SPATA6: variants seen among roughly 807,000 people sequenced by gnomAD.
SPATA6 encodes the protein spermatogenesis-associated protein 6.
A neutral mutation model predicts 65.3 loss-of-function variants in SPATA6; 56 were observed. The observed-to-expected ratio is 0.86, with a 90% CI of 0.69 to 1.07. SPATA6 has a LOEUF of 1.07. Among genes scored for constraint, SPATA6 ranks in the 50% least tolerant of loss-of-function variants. The pLI is 0.00. For synonymous variants in SPATA6, 199 were observed against 213.2 expected, an observed-to-expected ratio of 0.93 and a Z score of 0.58; for missense variants, 590 against 594.8, an observed-to-expected ratio of 0.99 and a Z score of 0.08.
Position 48,353,691 on chromosome 1 carries a change from G to A in SPATA6, c.1194+1979C>T, listed in dbSNP as rs140637916. On this transcript the variant is annotated intron_variant, in intron 11 of 12. Coordinates refer to ENST00000371847, the MANE Select transcript of SPATA6 (RefSeq NM_019073.4). ...AAAACAAAATTAAGAGAACCAGAAT[G>A]TAAAATAAACAAATCTATAATCATG... 2.7e-3 allele frequency among the ~76,000 whole-genome samples: 415 copies of A among 151,920 alleles called. 1 individual carries two copies. Among genetic ancestry groups the A allele is most frequent in the African/African-American group, 8.5e-3 (352 of 41,514 alleles).
At chr1:48,344,980 A>G (rs970528133) in intron 11 of SPATA6, among the ~76,000 whole-genome samples, 7 of 152,178 alleles carry the variant, frequency 4.6e-5, no homozygotes, top group African/African-American at 1.7e-4. Flanking sequence ...GAAAATCAAC[A>G]AAGATATTCA....
Position 48,297,836 on chromosome 1 carries a change from G to A in SPATA6, c.*877C>T, listed in dbSNP as rs756005978. The A allele has an allele frequency of 6.9e-6, 1 of 145,514 alleles. No homozygotes were observed. The highest frequency in any genetic ancestry group is 1.5e-5 in the Non-Finnish European group (1 of 65,952). 9.0% of individuals were successfully genotyped at this position (145,514 alleles called of 1,614,324 possible). A position where few individuals can be genotyped will look rare whatever the true frequency, so the allele number is the denominator to read the frequency against. On this transcript the variant is annotated 3_prime_UTR_variant, in exon 13 of 13. Transcript: ENST00000371847. ...TTTTACTCACATTGTGGTTCCAAGT[G>A]TTTTTTTTTTTAAAGTGAGGATACT...
intron 11 of SPATA6, chr1:48,325,685 T>C (rs1645737919): frequency 1.0e-5 from 6 of 589,442 alleles, no homozygotes; most frequent in Non-Finnish European, 1.6e-5. Flanking sequence ...GAGTTAATCA[T>C]CCTCTTCACC....
intron 3 of SPATA6, among the ~76,000 whole-genome samples, chr1:48,445,659 C>CAAAAAAA (rs10632587): frequency 7.8e-5 from 4 of 51,272 alleles, no homozygotes; most frequent in African/African-American, 2.4e-4. Context: ...GACTCTGTCT[C>CAAAAAAA]AAAAAAAAAA....
intron 9 of SPATA6, 100 bp from the exon 10 acceptor site, chr1:48,359,870 TGC>T: frequency 1.2e-6 from 1 of 827,034 alleles, no homozygotes; most frequent in Non-Finnish European, 1.7e-6. Context: ...CATATGCATG[TGC>T]ACACACACAC....
At chr1:48,327,865 C>T (rs1347602741) in intron 11 of SPATA6, among the ~76,000 whole-genome samples, 5 of 152,092 alleles carry the variant, frequency 3.3e-5, no homozygotes, top group African/African-American at 9.7e-5. Context: ...CTATTCTGCA[C>T]AATGTTCACT....
intron 9 of SPATA6, among the ~76,000 whole-genome samples, chr1:48,375,075 C>A (rs1647728548): frequency 6.6e-6 from 1 of 152,164 alleles, no homozygotes; most frequent in Admixed American, 6.5e-5. Context: ...CAGCTAAGAT[C>A]TTCAACTTAG....
chr1:48,411,713 T>A, intron 4 of SPATA6, 125 bp from the exon 5 acceptor site: 3 of 835,222 alleles, frequency 3.6e-6, no homozygotes, highest in Non-Finnish European at 4.8e-6. Flanking sequence ...TCATGTTTAT[T>A]TTCTATGAAA....
chr1:48,377,961 C>T (rs539878404), intron 9 of SPATA6, among the ~76,000 whole-genome samples: 1 of 152,268 alleles, frequency 6.6e-6, no homozygotes, highest in African/African-American at 2.4e-5. Flanking sequence ...GATTTGGCTT[C>T]TCCATATTTT....
At chr1:48,459,448 A>G (rs1657256398) in intron 1 of SPATA6, among the ~76,000 whole-genome samples, 1 of 152,172 alleles carries the variant, frequency 6.6e-6, no homozygotes. Context: ...ATCAAATTAA[A>G]TTAAATATAA....
At chr1:48,319,984 G>A (rs996130451) in intron 11 of SPATA6, among the ~76,000 whole-genome samples, 3 of 152,164 alleles carry the variant, frequency 2.0e-5, no homozygotes, top group Non-Finnish European at 2.9e-5. Flanking sequence ...CCCTGCCTTA[G>A]TGTCATGCCC....
At chr1:48,315,515 A>C (rs1465253690) in intron 11 of SPATA6, among the ~76,000 whole-genome samples, 3 of 152,206 alleles carry the variant, frequency 2.0e-5, no homozygotes, top group African/African-American at 4.8e-5. Flanking sequence ...ACTCTCAATA[A>C]ATTAGGTATT....
chr1:48,304,832 C>G (rs926678709), intron 12 of SPATA6, among the ~76,000 whole-genome samples: 10 of 152,168 alleles, frequency 6.6e-5, no homozygotes. Context: ...GTTAAGCACC[C>G]AAAATCGGGA....
chr1:48,434,111 GT>G (rs1654651429), intron 3 of SPATA6, among the ~76,000 whole-genome samples: 2 of 151,892 alleles, frequency 1.3e-5, no homozygotes, highest in African/African-American at 2.4e-5. Context: ...CTACAAACAG[GT>G]GTCTTTAAAT....
intron 11 of SPATA6, among the ~76,000 whole-genome samples, chr1:48,334,224 T>C (rs1346507170): frequency 6.6e-6 from 1 of 151,904 alleles, no homozygotes; most frequent in East Asian, 1.9e-4. Context: ...GGTACCATTC[T>C]TACTAAAACT....
the SPATA6 span, among the ~76,000 whole-genome samples, chr1:48,269,349 T>C: frequency 2.0e-5 from 3 of 152,114 alleles, no homozygotes; most frequent in African/African-American, 7.2e-5. Context: ...TCTATGAAAA[T>C]ATCTTCCATT....
intron 1 of SPATA6, among the ~76,000 whole-genome samples, chr1:48,462,175 C>G (rs1462842354): frequency 6.6e-6 from 1 of 151,314 alleles, no homozygotes; most frequent in African/African-American, 2.4e-5. Context: ...AGGGGAACAT[C>G]ACACTCTGGG....
At chr1:48,325,185 G>A (rs1378877731) in intron 11 of SPATA6, 1 of 679,326 alleles carries the variant, frequency 1.5e-6, no homozygotes, top group East Asian at 2.6e-5. Flanking sequence ...GCAAGGTTTG[G>A]TGCAGGGTTC....
chr1:48,305,686 A>G (rs560411126), intron 12 of SPATA6, 101 bp downstream of exon 12: 3 of 822,924 alleles, frequency 3.6e-6, no homozygotes, highest in Non-Finnish European at 5.5e-6. Flanking sequence ...AATAAATACT[A>G]ATTATCCTTT....
Sources: allele counts gnomAD v4.1 joint callset (sites outside exome capture counted in the v4.1 genomes callset), GRCh38; gene constraint gnomAD v4.1.1; transcripts MANE v1.5; gene names NCBI Gene and HGNC (gene_info 2026-07-23, HGNC 2026-07-21).